The following GRID2 variants were observed in gnomAD, a reference collection of about 807,000 sequenced individuals.
GRID2 encodes the protein glutamate ionotropic receptor delta type subunit 2, also known as glutamate receptor ionotropic, delta-2.
Under a neutral mutation model 114.8 loss-of-function variants are expected in GRID2, and 33 were observed. The ratio of observed to expected loss-of-function variants is 0.29; its 90% CI spans 0.22 to 0.38. The LOEUF is 0.38. Ranked by LOEUF, GRID2 falls within the 10% of genes least tolerant of loss-of-function variation. The pLI is 1.00. For synonymous variants in GRID2, 505 were observed against 449.9 expected (o/e 1.12, Z -1.55); for missense variants, 1,184 against 1,257.7 (o/e 0.94, Z 0.89).
chr4:93,248,494 C>T (rs1194234154), intron 8 of GRID2, among the ~76,000 whole-genome samples: 1 of 152,008 alleles, frequency 6.6e-6, no homozygotes, highest in Non-Finnish European at 1.5e-5. Context: ...TCTGTTGAAC[C>T]AAAATTCCAG....
chr4:93,236,335 C>T (rs943339773), intron 7 of GRID2, among the ~76,000 whole-genome samples: 4 of 152,044 alleles, frequency 2.6e-5, no homozygotes, highest in African/African-American at 9.7e-5. Flanking sequence ...AGGAGACATT[C>T]TGCATGGCTC....
chr4:92,776,714 G>C (rs1453802947), intron 2 of GRID2, among the ~76,000 whole-genome samples: 1 of 151,640 alleles, frequency 6.6e-6, no homozygotes, highest in Non-Finnish European at 1.5e-5. Flanking sequence ...TACTTCTATA[G>C]GAATACAATA....
chr4:93,505,455 A>G (rs1728535190), intron 12 of GRID2, among the ~76,000 whole-genome samples: 1 of 151,758 alleles, frequency 6.6e-6, no homozygotes, highest in Non-Finnish European at 1.5e-5. Flanking sequence ...TCTTGAGATA[A>G]ATAAGTATTG....
chr4:93,607,628 A>G (rs1310605828), intron 13 of GRID2, among the ~76,000 whole-genome samples: 1 of 152,166 alleles, frequency 6.6e-6, no homozygotes, highest in Non-Finnish European at 1.5e-5. Context: ...GAAAAAGGCT[A>G]TAACATTTTC....
At chr4:92,462,958 A>G (rs567514963) in intron 1 of GRID2, among the ~76,000 whole-genome samples, 80 of 152,070 alleles carry the variant, frequency 5.3e-4, no homozygotes, top group African/African-American at 1.8e-3. Flanking sequence ...ATTTATTTCA[A>G]TTTCCACAAA....
intron 2 of GRID2, among the ~76,000 whole-genome samples, chr4:92,657,254 A>G (rs1185057449): frequency 6.6e-6 from 1 of 151,540 alleles, no homozygotes; most frequent in Non-Finnish European, 1.5e-5. Context: ...ATTTACTTGG[A>G]TTCTTATTGT....
intron 2 of GRID2, among the ~76,000 whole-genome samples, chr4:92,749,397 C>G (rs1252651373): frequency 6.7e-6 from 1 of 148,620 alleles, no homozygotes; most frequent in Non-Finnish European, 1.5e-5. Flanking sequence ...TCACTGCAAC[C>G]TCCGCCTCCC....
intron 8 of GRID2, among the ~76,000 whole-genome samples, chr4:93,349,874 T>C (rs1392622919): frequency 6.6e-6 from 1 of 152,086 alleles, no homozygotes; most frequent in Admixed American, 6.6e-5. Context: ...TATACCTTAA[T>C]TATGATAAAA....
chr4:92,853,243 T>A (rs1743951968), intron 2 of GRID2, among the ~76,000 whole-genome samples: 1 of 151,936 alleles, frequency 6.6e-6, no homozygotes. Context: ...ACTCAGGAAG[T>A]GCCAAAGTGG....
chr4:93,103,311 G>C (rs894201040), intron 3 of GRID2, among the ~76,000 whole-genome samples: 3 of 151,938 alleles, frequency 2.0e-5, no homozygotes, highest in African/African-American at 4.8e-5. Flanking sequence ...TGTTATTCCC[G>C]AGAGCAGTCC....
intron 8 of GRID2, among the ~76,000 whole-genome samples, chr4:93,335,694 C>CTTTTTTTTTTTTTTTTTTTTTT (rs55823712): frequency 7.1e-6 from 1 of 141,726 alleles, no homozygotes; most frequent in African/African-American, 2.7e-5. Flanking sequence ...TTTCTTCTTT[C>CTTTTTTTTTTTTTTTTTTTTTT]TTTTTTTTTT....
intron 1 of GRID2, among the ~76,000 whole-genome samples, chr4:92,570,825 G>T (rs1485942340): frequency 6.6e-6 from 1 of 151,988 alleles, no homozygotes; most frequent in African/African-American, 2.4e-5. Context: ...CTAAAATTGT[G>T]TATCAGTTTA....
chr4:92,555,741 T>C (rs1291493452), intron 1 of GRID2, among the ~76,000 whole-genome samples: 1 of 152,164 alleles, frequency 6.6e-6, no homozygotes, highest in Non-Finnish European at 1.5e-5. Flanking sequence ...GGAGTTATCT[T>C]CAAATTTCAG....
chr4:93,362,649 AC>A lies in GRID2; in HGVS notation c.1246-32954del, dbSNP rs367567618. 6.2e-3 allele frequency among the ~76,000 whole-genome samples: 938 copies of A among 152,102 alleles called. 6 individuals are homozygous for A. Among genetic ancestry groups the A allele is most frequent in the Non-Finnish European group, 0.011 (737 of 67,988 alleles). On this transcript the variant is annotated intron_variant, in intron 8 of 15. Transcript: ENST00000282020. The stretch of plus-strand genomic sequence containing the variant: ...GGAAGAAAAATCTGGGCAAGGGTTT[AC>A]CCCTTTCTCACAACAGAAATTGCTC...
chr4:93,089,207 A>G (rs1221929218), intron 3 of GRID2, among the ~76,000 whole-genome samples: 1 of 152,202 alleles, frequency 6.6e-6, no homozygotes, highest in Non-Finnish European at 1.5e-5. Context: ...ATATAAGAAT[A>G]AGATTAATTT....
At chr4:93,472,553 A>C (rs956971688) in intron 11 of GRID2, among the ~76,000 whole-genome samples, 1 of 152,208 alleles carries the variant, frequency 6.6e-6, no homozygotes, top group Non-Finnish European at 1.5e-5. Context: ...AAGTAAACTT[A>C]TCAGATAAAA....
At chr4:93,024,286 TTC>T (rs1475651285) in intron 2 of GRID2, among the ~76,000 whole-genome samples, 3 of 151,728 alleles carry the variant, frequency 2.0e-5, no homozygotes, top group African/African-American at 7.2e-5. Flanking sequence ...GCAGAGAAAT[TTC>T]TGTTTATGAG....
At chr4:92,499,898 C>T (rs1579473036) in intron 1 of GRID2, among the ~76,000 whole-genome samples, 1 of 152,216 alleles carries the variant, frequency 6.6e-6, no homozygotes, top group Non-Finnish European at 1.5e-5. Flanking sequence ...TACAGGCGTG[C>T]GCCATTGCGC....
chr4:92,625,351 T>A (rs1404386490), intron 2 of GRID2, among the ~76,000 whole-genome samples: 1 of 151,820 alleles, frequency 6.6e-6, no homozygotes, highest in Non-Finnish European at 1.5e-5. Flanking sequence ...CTAGCTTAAA[T>A]CACTAATTTT....
Sources: allele counts gnomAD v4.1 joint callset (sites outside exome capture counted in the v4.1 genomes callset), GRCh38; gene constraint gnomAD v4.1.1; transcripts MANE v1.5; gene names NCBI Gene and HGNC (gene_info 2026-07-23, HGNC 2026-07-21).